The following CLPB variants were observed in gnomAD, a reference collection of about 807,000 sequenced individuals.
CLPB encodes ClpB family mitochondrial disaggregase, also known as mitochondrial disaggregase.
Under a neutral mutation model 78.4 loss-of-function variants are expected in CLPB, and 40 were observed. That is an observed-to-expected ratio of 0.51 (90% CI 0.40 to 0.66). The LOEUF (loss-of-function observed/expected upper bound fraction) is 0.66. Ranked by LOEUF, CLPB falls within the 30% of genes least tolerant of loss-of-function variation. The probability of loss-of-function intolerance (pLI) is 0.00; values close to 1 mark genes in which losing one functional copy is unlikely to be tolerated. For synonymous variants in CLPB, 333 were observed against 348.0 expected (o/e 0.96, Z 0.48); for missense variants, 780 against 886.9 (o/e 0.88, Z 1.53).
intron 9 of CLPB, 200 bp from the exon 10 acceptor site, chr11:72,302,548 T>C: frequency 1.8e-6 from 1 of 571,220 alleles, no homozygotes; most frequent in South Asian, 1.9e-5. Context: ...CCTCATTCTC[T>C]TCCTTAAAAG....
chr11:72,403,085 T>C (rs755616371), intron 2 of CLPB, 33 bp from the exon 3 acceptor site: 3 of 1,587,592 alleles, frequency 1.9e-6, no homozygotes, highest in Non-Finnish European at 2.6e-6. Context: ...TTTCAGTGTA[T>C]GGCTTGACAT....
intron 5 of CLPB, among the ~76,000 whole-genome samples, chr11:72,357,298 T>A (rs190498038): frequency 6.6e-6 from 1 of 152,182 alleles, no homozygotes; most frequent in Admixed American, 6.5e-5. Flanking sequence ...GCTGGGCCTG[T>A]GGAGGCAAAG....
intron 4 of CLPB, among the ~76,000 whole-genome samples, chr11:72,373,874 C>T (rs566221676): frequency 3.3e-5 from 5 of 149,992 alleles, no homozygotes; most frequent in South Asian, 2.1e-4. Context: ...GCAGGAGAAT[C>T]GCCTGAACCC....
At chr11:72,431,678 A>C (rs1190504405) in intron 1 of CLPB, among the ~76,000 whole-genome samples, 1 of 152,180 alleles carries the variant, frequency 6.6e-6, no homozygotes, top group Non-Finnish European at 1.5e-5. Flanking sequence ...AGCCTTCCTT[A>C]GAGATGGCTA....
At chr11:72,414,672 C>G (rs1281556370) in intron 2 of CLPB, among the ~76,000 whole-genome samples, 2 of 152,188 alleles carry the variant, frequency 1.3e-5, no homozygotes, top group Non-Finnish European at 2.9e-5. Flanking sequence ...ACAAGGAGCT[C>G]TTATTCTGAG....
chr11:72,402,816 T>C, intron 3 of CLPB, 150 bp downstream of exon 3: 1 of 628,442 alleles, frequency 1.6e-6, no homozygotes, highest in Non-Finnish European at 2.9e-6. Flanking sequence ...TACAGTCCAA[T>C]GCACCAGGTG....
intron 7 of CLPB, among the ~76,000 whole-genome samples, chr11:72,316,040 A>C (rs933546734): frequency 6.6e-6 from 1 of 152,130 alleles, no homozygotes; most frequent in African/African-American, 2.4e-5. Context: ...GAACATTATC[A>C]TTGTGATCCC....
intron 3 of CLPB, among the ~76,000 whole-genome samples, chr11:72,389,382 C>T (rs1267546114): frequency 6.6e-6 from 1 of 152,214 alleles, no homozygotes; most frequent in Non-Finnish European, 1.5e-5. Flanking sequence ...ACAGTAGCAA[C>T]TTCTCCTTTG....
At chr11:72,430,669 T>C (rs1343692105) in intron 1 of CLPB, among the ~76,000 whole-genome samples, 1 of 152,186 alleles carries the variant, frequency 6.6e-6, no homozygotes, top group Non-Finnish European at 1.5e-5. Flanking sequence ...CTTCATAATC[T>C]ATGAAGCTCT....
At position 72,293,432 on chromosome 11, in the gene CLPB, T is replaced by G; in HGVS notation, c.1969A>C (p.Ser657Arg). 2 of 1,614,194 alleles carry G rather than the reference T, an allele frequency of 1.2e-6. No homozygotes were observed. The highest frequency in any genetic ancestry group is 2.2e-5 in the South Asian group (2 of 91,086). ...KLRLEIIDKD[S>R]KTRRLDIRAP... ...CGGATGTCCAGTCTGCGAGTCTTGCTGTCCTTGTCGATGATCTCCAGACGC... is the reference window on the plus strand; with the variant it reads ...CGGATGTCCAGTCTGCGAGTCTTGCGGTCCTTGTCGATGATCTCCAGACGC... The change falls in exon 16 of 16, where the codon AGC (serine) becomes CGC (arginine). Residue 657 changes from serine (S) to arginine (R), a missense_variant. Around this residue, in one of 3 missense-constraint regions of CLPB, gnomAD observed 272 missense variants for 304.0 expected, o/e 0.89. Coordinates refer to ENST00000538039, the MANE Select transcript of CLPB (RefSeq NM_001258392.3).
Position 72,434,065 on chromosome 11 carries a change from T to A in CLPB, c.403+7A>T. The A allele has an allele frequency of 6.2e-7, 1 of 1,608,344 alleles. No homozygotes were observed. Among genetic ancestry groups the A allele is most frequent in the East Asian group, 2.2e-5 (1 of 44,876 alleles). On this transcript the variant is annotated splice_region_variant and intron_variant, in intron 1 of 15. Coordinates refer to ENST00000538039, the MANE Select transcript of CLPB (RefSeq NM_001258392.3). Reference sequence around the variant, plus strand: ...CTCCCTTCCTCAAACCCAGATCTCATAATCACCCTTGTTGGACGGACTCTT... The same window carrying A: ...CTCCCTTCCTCAAACCCAGATCTCAAAATCACCCTTGTTGGACGGACTCTT...
In CLPB at chr11:72,302,702, C is replaced by T. The variant is rs560277179; in HGVS notation, c.1123-354G>A. On this transcript the variant is annotated intron_variant, in intron 9 of 15. Coordinates refer to ENST00000538039, the MANE Select transcript of CLPB (RefSeq NM_001258392.3). ...AGGGCATCCTGTGTGTGCTGGACAC[C>T]GGAGTTACAACAGGGAACAAGTCTT... is the stretch of plus-strand genomic sequence containing the variant. 5.8e-5 allele frequency: 17 copies of T among 293,540 alleles called. No individual in the cohort carries two copies. The East Asian group carries it at 9.3e-4, about 16-fold the overall frequency. 18.2% of individuals were successfully genotyped at this position (293,540 alleles called of 1,614,324 possible).
chr11:72,409,119 GT>G, intron 2 of CLPB, among the ~76,000 whole-genome samples: 1 of 152,236 alleles, frequency 6.6e-6, no homozygotes, highest in Non-Finnish European at 1.5e-5. Context: ...AACAGCCTGT[GT>G]CCAGGGGCTA....
rs1565087743 is a variant in CLPB, at chr11:72,408,209, G to A, written c.456-5157C>T. 8 of 1,533,210 alleles carry A rather than the reference G, an allele frequency of 5.2e-6. No individual in the cohort carries two copies. In the Admixed American group the frequency reaches 5.9e-5, roughly 11 times the overall value. 95.0% of individuals were successfully genotyped at this position (1,533,210 alleles called of 1,614,324 possible). A position where few individuals can be genotyped will look rare whatever the true frequency, so the allele number is the denominator to read the frequency against. On this transcript the variant is annotated intron_variant, in intron 2 of 15. Coordinates refer to ENST00000538039, the MANE Select transcript of CLPB (RefSeq NM_001258392.3). ...ATTCTTTGCAGTCTCTTGGGGCTGA[G>A]GTATAATGGAAAAAAAGCAATGACC...
At chr11:72,305,660 GT>G (rs1949734031) in intron 9 of CLPB, among the ~76,000 whole-genome samples, 1 of 152,192 alleles carries the variant, frequency 6.6e-6, no homozygotes, top group Admixed American at 6.5e-5. Context: ...GGGTGGTGGT[GT>G]TACTTCCTTC....
chr11:72,355,495 G>C (rs1445279169), intron 5 of CLPB: 1 of 152,234 alleles, frequency 6.6e-6, no homozygotes, highest in Non-Finnish European at 1.5e-5. Flanking sequence ...CCATGTGCCT[G>C]CCAGGGGCTT....
intron 3 of CLPB, among the ~76,000 whole-genome samples, chr11:72,395,908 G>A (rs144597793): frequency 2.6e-5 from 4 of 152,166 alleles, no homozygotes; most frequent in South Asian, 2.1e-4. Context: ...TCTGCTCTTC[G>A]CTCTAAGAAC....
intron 5 of CLPB, among the ~76,000 whole-genome samples, chr11:72,332,425 G>A (rs1950244650): frequency 6.6e-6 from 1 of 152,124 alleles, no homozygotes; most frequent in African/African-American, 2.4e-5. Flanking sequence ...GGAGGCAGGG[G>A]CTGCAGTGAG....
At chr11:72,422,467 C>T (rs1314141410) in intron 2 of CLPB, among the ~76,000 whole-genome samples, 1 of 152,082 alleles carries the variant, frequency 6.6e-6, no homozygotes, top group Non-Finnish European at 1.5e-5. Context: ...TAACATTATG[C>T]TGCCTTTCCA....
Sources: allele counts gnomAD v4.1 joint callset (sites outside exome capture counted in the v4.1 genomes callset), GRCh38; gene constraint gnomAD v4.1.1; regional missense constraint gnomAD v4.1.1; transcripts MANE v1.5; gene names NCBI Gene and HGNC (gene_info 2026-07-23, HGNC 2026-07-21).